IFTAP: variants seen among roughly 807,000 people sequenced by gnomAD.
The protein encoded by IFTAP is intraflagellar transport associated protein, also known as intraflagellar transport-associated protein.
In IFTAP, 19 loss-of-function variants were observed where a neutral mutation model predicts 19.4. That is an observed-to-expected ratio of 0.98 (90% CI 0.68 to 1.44). The LOEUF (loss-of-function observed/expected upper bound fraction) is 1.44, where lower values mean the gene tolerates loss of function less well. Ranked by LOEUF, IFTAP falls within the 40% of genes most tolerant of loss-of-function variation. IFTAP has a pLI of 0.00. For synonymous variants in IFTAP, 85 were observed against 83.5 expected, an observed-to-expected ratio of 1.02 and a Z score of -0.10; for missense variants, 240 against 253.6, an observed-to-expected ratio of 0.95 and a Z score of 0.36.
chr11:36,633,977 T>C (rs998713039), intron 3 of IFTAP, among the ~76,000 whole-genome samples: 5 of 152,160 alleles, frequency 3.3e-5, no homozygotes, highest in Non-Finnish European at 7.4e-5. Flanking sequence ...TTAAGCCATT[T>C]AAGTTTCTAA....
chr11:36,598,426 G>A (rs758931198), intron 1 of IFTAP: 2 of 152,010 alleles, frequency 1.3e-5, no homozygotes, highest in Non-Finnish European at 2.9e-5. Context: ...AAGAAATCTG[G>A]GCAAAACTTG....
At chr11:36,611,450 A>G (rs1292003926) in intron 2 of IFTAP, among the ~76,000 whole-genome samples, 1 of 152,116 alleles carries the variant, frequency 6.6e-6, no homozygotes, top group Non-Finnish European at 1.5e-5. Context: ...AGGGAGTTCC[A>G]TAATCTCTGA....
intron 4 of IFTAP, among the ~76,000 whole-genome samples, chr11:36,638,248 G>GT (rs1288883703): frequency 1.3e-5 from 2 of 151,646 alleles, no homozygotes. Flanking sequence ...TTTTCACATT[G>GT]TTTTCTTTAA....
chr11:36,621,450 A>G (rs1852287455), intron 2 of IFTAP, among the ~76,000 whole-genome samples: 1 of 151,890 alleles, frequency 6.6e-6, no homozygotes, highest in Non-Finnish European at 1.5e-5. Context: ...CATTTAAGTG[A>G]CGCCCATCAG....
rs1410994160 is a variant in IFTAP, at chr11:36,633,267, A to G, written c.137-17A>G. ...TATTGTGGATGTTTTCTAATAGTGC[A>G]TAACTTCTTATTTCAGAGGATCATG... is the stretch of plus-strand genomic sequence containing the variant. On this transcript the variant is annotated splice_polypyrimidine_tract_variant and intron_variant, in intron 2 of 5. Coordinates refer to ENST00000334307, the MANE Select transcript of IFTAP (RefSeq NM_138787.4). 4 of 1,520,752 alleles carry G rather than the reference A, an allele frequency of 2.6e-6. No homozygotes were observed. The highest frequency in any genetic ancestry group is 4.4e-5 in the Admixed American group (2 of 45,146). 94.2% of individuals were successfully genotyped at this position (1,520,752 alleles called of 1,614,324 possible). A position where few individuals can be genotyped will look rare whatever the true frequency, so the allele number is the denominator to read the frequency against.
intron 4 of IFTAP, among the ~76,000 whole-genome samples, chr11:36,640,063 T>C (rs1321165724): frequency 1.3e-5 from 2 of 152,164 alleles, no homozygotes. Flanking sequence ...AATAGTTGAT[T>C]TTTGTGATTT....
chr11:36,608,749 CATCAT>C (rs1425580186), intron 1 of IFTAP, among the ~76,000 whole-genome samples: 3 of 152,128 alleles, frequency 2.0e-5, no homozygotes, highest in Non-Finnish European at 4.4e-5. Context: ...AGTCTAATCT[CATCAT>C]ATCAGGAGTC....
chr11:36,613,459 G>A (rs950987143), intron 2 of IFTAP, among the ~76,000 whole-genome samples: 2 of 151,972 alleles, frequency 1.3e-5, no homozygotes, highest in African/African-American at 2.4e-5. Flanking sequence ...TTTAGGTGCT[G>A]AAGATTAAAA....
chr11:36,656,696 TCTC>T (rs1369953504), intron 5 of IFTAP, among the ~76,000 whole-genome samples: 2 of 152,090 alleles, frequency 1.3e-5, no homozygotes, highest in Non-Finnish European at 2.9e-5. Flanking sequence ...ACTTTTGTCT[TCTC>T]CTTGAAGTTA....
At chr11:36,625,331 A>G (rs1041882517) in intron 2 of IFTAP, among the ~76,000 whole-genome samples, 2 of 152,184 alleles carry the variant, frequency 1.3e-5, no homozygotes, top group African/African-American at 4.8e-5. Flanking sequence ...TCATTTATAT[A>G]TTCAGCAAAT....
intron 1 of IFTAP, chr11:36,595,326 C>T (rs530282520): frequency 1.3e-5 from 2 of 152,208 alleles, no homozygotes; most frequent in South Asian, 4.1e-4. Flanking sequence ...GAATTTCATA[C>T]TTGTGTTACA....
chr11:36,648,036 G>A lies in IFTAP; in HGVS notation c.379G>A (p.Glu127Lys), dbSNP rs536943516. Residue 127 changes from glutamate (E) to lysine (K), a missense_variant, in exon 5 of 6, where the codon GAA becomes AAA. Glu to Lys is a moderately conservative substitution (Grantham distance 56). Coordinates refer to ENST00000334307, the MANE Select transcript of IFTAP (RefSeq NM_138787.4). ...MSEDLLLLPG[E>K]VEQDVSTSIP... The stretch of plus-strand genomic sequence containing the variant: ...AACAGATTTGCTGCTGCTTCCAGGA[G>A]AAGTGGAGCAGGATGTAAGCACCAG... 7.9e-5 allele frequency: 127 copies of A among 1,613,166 alleles called. 2 individuals are homozygous for A. In the South Asian group the frequency reaches 1.3e-3, roughly 17 times the overall value.
intron 2 of IFTAP, among the ~76,000 whole-genome samples, chr11:36,617,816 A>G (rs1367889999): frequency 1.3e-5 from 2 of 152,036 alleles, no homozygotes; most frequent in Non-Finnish European, 2.9e-5. Flanking sequence ...TTGTAGATTA[A>G]ATAATTTGCC....
chr11:36,646,344 T>G (rs1853481638), intron 4 of IFTAP, among the ~76,000 whole-genome samples: 1 of 152,208 alleles, frequency 6.6e-6, no homozygotes, highest in African/African-American at 2.4e-5. Flanking sequence ...GCTGCTTTCC[T>G]TGTTCGTGGG....
At chr11:36,613,464 T>C (rs1459748766) in intron 2 of IFTAP, among the ~76,000 whole-genome samples, 1 of 152,014 alleles carries the variant, frequency 6.6e-6, no homozygotes, top group Non-Finnish European at 1.5e-5. Flanking sequence ...GTGCTGAAGA[T>C]TAAAAAGTAA....
At chr11:36,640,964 C>T (rs1025676684) in intron 4 of IFTAP, among the ~76,000 whole-genome samples, 2 of 152,110 alleles carry the variant, frequency 1.3e-5, no homozygotes, top group African/African-American at 2.4e-5. Context: ...GACAAGTTTT[C>T]AGAATGCTCA....
chr11:36,612,109 T>G (rs1365513351), intron 2 of IFTAP, among the ~76,000 whole-genome samples: 1 of 152,096 alleles, frequency 6.6e-6, no homozygotes, highest in East Asian at 1.9e-4. Flanking sequence ...CATTTACTTT[T>G]ATGAAAAGGG....
Position 36,642,728 on chromosome 11 carries a change from A to G in IFTAP, c.359-5288A>G, listed in dbSNP as rs555075476. Among the ~76,000 whole-genome samples, 11 of 152,258 alleles carry G rather than the reference A, an allele frequency of 7.2e-5. 1 individual carries two copies. In the South Asian group the frequency reaches 2.3e-3, roughly 32 times the overall value. ...ATACGCAAATCAATAAACGTAATCC[A>G]GCATATGAACAGAACCAAAGACAAA... On this transcript the variant is annotated intron_variant, in intron 4 of 5. Transcript: ENST00000334307.
chr11:36,620,427 G>A (rs572673684), intron 2 of IFTAP, among the ~76,000 whole-genome samples: 1 of 151,908 alleles, frequency 6.6e-6, no homozygotes, highest in Non-Finnish European at 1.5e-5. Flanking sequence ...TACACTTAGG[G>A]AACAAATTGA....
Sources: allele counts gnomAD v4.1 joint callset (sites outside exome capture counted in the v4.1 genomes callset), GRCh38; gene constraint gnomAD v4.1.1; transcripts MANE v1.5; gene names NCBI Gene and HGNC (gene_info 2026-07-23, HGNC 2026-07-21).